Variants in RPS6KA1 observed in about 807,000 individuals in gnomAD.
RPS6KA1 encodes the protein ribosomal protein S6 kinase A1, also known as ribosomal protein S6 kinase alpha-1.
In RPS6KA1, 48 loss-of-function variants were observed where a neutral mutation model predicts 91.3. The ratio of observed to expected loss-of-function variants is 0.53; its 90% confidence interval spans 0.42 to 0.67. RPS6KA1 has a LOEUF of 0.67. Among genes scored for constraint, RPS6KA1 ranks in the 30% least tolerant of loss-of-function variants. The pLI, the probability that RPS6KA1 is intolerant of heterozygous loss-of-function variation, is 0.00. For synonymous variants in RPS6KA1, 359 were observed against 384.7 expected (o/e 0.93, Z 0.78); for missense variants, 719 against 960.5 (o/e 0.75, Z 3.32).
chr1:26,532,140 G>C (rs1449208226), intron 1 of RPS6KA1, among the ~76,000 whole-genome samples: 1 of 152,126 alleles, frequency 6.6e-6, no homozygotes, highest in Non-Finnish European at 1.5e-5. Context: ...GGGAGGCAGG[G>C]CCTGGCCCAG....
chr1:26,535,747 C>T (rs1221704122), intron 1 of RPS6KA1, among the ~76,000 whole-genome samples: 1 of 152,154 alleles, frequency 6.6e-6, no homozygotes, highest in Non-Finnish European at 1.5e-5. Context: ...AATCCCCACT[C>T]ACCAGTTGTG....
At position 26,573,244 on chromosome 1, in the gene RPS6KA1, A is replaced by G. The variant is rs1198213895; in HGVS notation, c.1968A>G (p.Leu656=). 4 of 1,614,072 alleles carry G rather than the reference A, an allele frequency of 2.5e-6. No homozygotes were observed. Among genetic ancestry groups the G allele is most frequent in the East Asian group, 2.2e-5 (1 of 44,878 alleles). ...CCCAGGACCTGGTGTCCAAGATGCTACACGTGGATCCCCACCAGCGCCTCA... is the reference window on the plus strand; with the variant it reads ...CCCAGGACCTGGTGTCCAAGATGCTGCACGTGGATCCCCACCAGCGCCTCA... ...ETAKDLVSKM[L]HVDPHQRLTA... Residue 656 remains leucine (L), a synonymous_variant, in exon 21 of 22, where the codon CTA becomes CTG. Coordinates refer to ENST00000374168, the MANE Select transcript of RPS6KA1 (RefSeq NM_002953.4).
chr1:26,573,158 T>G (rs2076264406), intron 20 of RPS6KA1, 66 bp from the exon 21 acceptor site: 1 of 1,544,850 alleles, frequency 6.5e-7, no homozygotes, highest in African/African-American at 1.4e-5. Flanking sequence ...GTTGCCCTCC[T>G]GTGCCCCATC....
chr1:26,538,249 C>T (rs909208310), intron 2 of RPS6KA1, among the ~76,000 whole-genome samples: 3 of 152,214 alleles, frequency 2.0e-5, no homozygotes, highest in African/African-American at 7.2e-5. Context: ...CACAAAGTAG[C>T]TACCTCTTGT....
At chr1:26,531,598 G>A (rs2075867863) in intron 1 of RPS6KA1, among the ~76,000 whole-genome samples, 2 of 152,202 alleles carry the variant, frequency 1.3e-5, no homozygotes, top group Admixed American at 6.5e-5. Flanking sequence ...ACTCATCTCA[G>A]TTTTGAGTTC....
chr1:26,567,379 GTTGT>G lies in RPS6KA1; in HGVS notation c.1591-4055_1591-4052del, dbSNP rs762086458. Among the ~76,000 whole-genome samples, 9 of 151,446 alleles carry G rather than the reference GTTGT, an allele frequency of 5.9e-5. No homozygotes were observed. In the East Asian group the frequency reaches 1.6e-3, roughly 26 times the overall value. ...CTGGTCTCTAGGGTTTTTTGTTGTTGTTGTTTGTTTGTTTGTTTTGAGACGGAGT... is the reference window on the plus strand; with the variant it reads ...CTGGTCTCTAGGGTTTTTTGTTGTTGTTGTTTGTTTGTTTTGAGACGGAGT... On this transcript the variant is annotated intron_variant, in intron 17 of 21. Transcript: ENST00000374168.
chr1:26,558,030 T>C lies in RPS6KA1; in HGVS notation c.1085-777T>C, dbSNP rs1042431812. ...TTTTAGTAGAGACGGGGTTTCACCA[T>C]GTTGGCCAGGCTGGTCTCGAACTCC... On this transcript the variant is annotated intron_variant, in intron 13 of 21. Coordinates refer to ENST00000374168, the MANE Select transcript of RPS6KA1 (RefSeq NM_002953.4). This position sits in a 1 kb window ranked among gnomAD's most constrained non-coding sequence, Gnocchi z 4.0. Among the ~76,000 whole-genome samples, 1 of 151,894 alleles carries C rather than the reference T, an allele frequency of 6.6e-6. No homozygotes were observed. The highest frequency in any genetic ancestry group is 2.4e-5 in the African/African-American group (1 of 41,300).
Position 26,561,649 on chromosome 1 carries a change from C to G in RPS6KA1, c.1576C>G (p.Leu526Val). The G allele has an allele frequency of 6.2e-7, 1 of 1,607,850 alleles. No homozygotes were observed. The highest frequency in any genetic ancestry group is 8.5e-7 in the Non-Finnish European group (1 of 1,176,378). Residue 526 changes from leucine (L) to valine (V), a missense_variant, in exon 17 of 22, where the codon CTG becomes GTG. This residue lies in a region of RPS6KA1 where 249 missense variants were observed against 323.1 expected (regional missense o/e 0.77). Transcript: ENST00000374168. This position sits in a 1 kb window ranked among gnomAD's most constrained non-coding sequence, Gnocchi z 5.7. ...CACCATTGGCAAAACTGTGGAGTAT[C>G]TGCACTCACAGGGGGTGAGTCTGGA... ...LHTIGKTVEYLHSQGVVHRDL... is the reference protein window; with the variant it reads ...LHTIGKTVEYVHSQGVVHRDL...
In RPS6KA1 at chr1:26,574,216, C is replaced by T. The variant is rs145772599; in HGVS notation, c.*15C>T. ...CCACCCTGTGAGGCACCAGGGCATT[C>T]GGGCCACAGGGCGGTGCTAGCTTGA... On this transcript the variant is annotated 3_prime_UTR_variant, in exon 22 of 22. Transcript: ENST00000374168. This position sits in a 1 kb window ranked among gnomAD's most constrained non-coding sequence, Gnocchi z 4.3. The T allele has an allele frequency of 1.1e-4, 185 of 1,613,892 alleles. No individual in the cohort carries two copies. The African/African-American group carries it at 1.8e-3, about 16-fold the overall frequency.
chr1:26,564,389 G>C (rs1158101536), intron 17 of RPS6KA1, among the ~76,000 whole-genome samples: 1 of 152,128 alleles, frequency 6.6e-6, no homozygotes, highest in African/African-American at 2.4e-5. Context: ...CTCCCGAGTA[G>C]CTGGGACTAC....
At chr1:26,563,312 G>A (rs926153330) in intron 17 of RPS6KA1, among the ~76,000 whole-genome samples, 3 of 151,818 alleles carry the variant, frequency 2.0e-5, no homozygotes, top group Non-Finnish European at 4.4e-5. Flanking sequence ...CTGCAGCCTT[G>A]ACCTCCTTGC....
In RPS6KA1 at chr1:26,560,785, T is replaced by C. The variant is rs375786399; in HGVS notation, c.1275T>C (p.Gly425=). 592 of 1,614,002 alleles carry C rather than the reference T, an allele frequency of 3.7e-4. No individual in the cohort carries two copies. Among genetic ancestry groups the C allele is most frequent in the Non-Finnish European group, 3.8e-4 (444 of 1,180,018 alleles). Residue 425 remains glycine, a synonymous_variant, in exon 15 of 22, where the codon GGT becomes GGC. Coordinates refer to ENST00000374168, the MANE Select transcript of RPS6KA1 (RefSeq NM_002953.4). Reference sequence around the variant, plus strand: ...GCTACGTGGTAAAGGAGACAATTGGTGTGGGCTCCTACTCTGAGTGCAAGC... The same window carrying C: ...GCTACGTGGTAAAGGAGACAATTGGCGTGGGCTCCTACTCTGAGTGCAAGC... ...SDGYVVKETI[G]VGSYSECKRC...
Position 26,546,873 on chromosome 1 carries a change from G to A in RPS6KA1, c.115G>A (p.Gly39Ser). ...EAGLQPSKDEGVLKEISITHH... is the reference protein window; with the variant it reads ...EAGLQPSKDESVLKEISITHH... ...AGCTCTGTCCCTCCATCAGGATGAG[G>A]GCGTCCTCAAGGAGATCTCCATCAC... The change falls in exon 3 of 22, where the codon GGC (glycine) becomes AGC (serine). Residue 39 changes from glycine to serine, a missense_variant. Gly to Ser is a moderately conservative substitution (Grantham distance 56). Around this residue, in one of 5 missense-constraint regions of RPS6KA1, gnomAD observed 57 missense variants for 55.8 expected, o/e 1.02. Coordinates refer to ENST00000374168, the MANE Select transcript of RPS6KA1 (RefSeq NM_002953.4). 6.2e-7 allele frequency: 1 copy of A among 1,613,898 alleles called. No individual in the cohort carries two copies. Among genetic ancestry groups the A allele is most frequent in the South Asian group, 1.1e-5 (1 of 91,066 alleles).
In RPS6KA1 at chr1:26,561,532, C is replaced by T. The variant is rs1450683191; in HGVS notation, c.1459C>T (p.Leu487=). The T allele has an allele frequency of 6.2e-7, 1 of 1,614,090 alleles. No individual in the cohort carries two copies. Among genetic ancestry groups the T allele is most frequent in the Admixed American group, 1.7e-5 (1 of 60,010 alleles). The change falls in exon 17 of 22, where the codon CTG becomes TTG. Residue 487 remains leucine, a synonymous_variant. Transcript: ENST00000374168. The surrounding 1 kb of genome is among the most constrained non-coding windows in gnomAD (Gnocchi z 5.7). ...GTATGATGATGGCAAACACGTGTAC[C>T]TGGTGACAGAGCTGATGCGGGGTGG... The part of the protein sequence containing the change: ...DVYDDGKHVY[L]VTELMRGGEL...
intron 17 of RPS6KA1, among the ~76,000 whole-genome samples, chr1:26,568,137 T>TA (rs1290828598): frequency 2.6e-5 from 4 of 152,202 alleles, no homozygotes; most frequent in African/African-American, 7.2e-5. Context: ...TGGGTCCGAG[T>TA]TGCTATGTAG....
rs199787561 is a variant in RPS6KA1, at chr1:26,558,781, C to A, written c.1085-26C>A. 618 of 1,585,704 alleles carry A rather than the reference C, an allele frequency of 3.9e-4. No individual in the cohort carries two copies. The highest frequency in any genetic ancestry group is 4.9e-4 in the Non-Finnish European group (562 of 1,158,650). On this transcript the variant is annotated intron_variant, in intron 13 of 21. Transcript: ENST00000374168. The surrounding 1 kb of genome is among the most constrained non-coding windows in gnomAD (Gnocchi z 4.0). Reference sequence around the variant, plus strand: ...GGTCGAGGGGACCTCCTCAGGTACCCTCACATTCTCCTTCCATCCGTACAG... The same window carrying A: ...GGTCGAGGGGACCTCCTCAGGTACCATCACATTCTCCTTCCATCCGTACAG...
At chr1:26,543,018 GACCCATCATCT>G in intron 2 of RPS6KA1, 1 of 859,070 alleles carries the variant, frequency 1.2e-6, no homozygotes, top group Non-Finnish European at 1.8e-6. Context: ...AGAGGAGCCT[GACCCATCATCT>G]GCCCCTCCTC....
chr1:26,540,113 G>A lies in RPS6KA1; in HGVS notation c.108+3144G>A, dbSNP rs2075935858. ...ACCTGGGGCCCTGTGGCTGGGCTCT[G>A]TCCCTTCAGCCTGCCCAGGGGAGAC... On this transcript the variant is annotated intron_variant, in intron 2 of 21. Transcript: ENST00000374168. The surrounding 1 kb of genome is among the most constrained non-coding windows in gnomAD (Gnocchi z 4.2). 6.6e-6 allele frequency among the ~76,000 whole-genome samples: 1 copy of A among 152,170 alleles called. No individual in the cohort carries two copies. Among genetic ancestry groups the A allele is most frequent in the African/African-American group, 2.4e-5 (1 of 41,430 alleles).
intron 2 of RPS6KA1, among the ~76,000 whole-genome samples, chr1:26,538,306 C>T (rs759778416): frequency 1.1e-4 from 16 of 152,146 alleles, no homozygotes; most frequent in Non-Finnish European, 2.1e-4. Flanking sequence ...TGAAGAAACA[C>T]GGTGTTCAGA....
Sources: allele counts gnomAD v4.1 joint callset (sites outside exome capture counted in the v4.1 genomes callset), GRCh38; gene constraint gnomAD v4.1.1; regional missense constraint gnomAD v4.1.1; non-coding constraint Gnocchi (gnomAD v3.1); transcripts MANE v1.5; gene names NCBI Gene and HGNC (gene_info 2026-07-23, HGNC 2026-07-21).